CMSS1: variants seen among roughly 807,000 people sequenced by gnomAD.
CMSS1 encodes cms1 ribosomal small subunit homolog, also known as protein CMSS1.
In CMSS1, 33 loss-of-function variants were observed where a neutral mutation model predicts 43.5. That is an observed-to-expected ratio of 0.76 (90% CI 0.57 to 1.01). The LOEUF is 1.01. Ranked by LOEUF, CMSS1 falls within the 50% of genes least tolerant of loss-of-function variation. The pLI is 0.00. For missense variants in CMSS1, 313 were observed against 326.4 expected (o/e 0.96, Z 0.32); for synonymous variants, 115 against 117.2 (o/e 0.98, Z 0.12).
At position 100,150,602 on chromosome 3, in the gene CMSS1, G is replaced by A. The variant is rs185477494; in HGVS notation, c.153+3541G>A. ...TCTAGTTTGTTCAGTATTTTAAGCA[G>A]CAGATTTATAACTTTAAAGTTTTTA... On this transcript the variant is annotated intron_variant, in intron 2 of 9. Coordinates refer to ENST00000421999, the MANE Select transcript of CMSS1 (RefSeq NM_032359.4). 8.5e-5 allele frequency among the ~76,000 whole-genome samples: 13 copies of A among 152,288 alleles called. No individual in the cohort carries two copies. In the East Asian group the frequency reaches 2.5e-3, roughly 29 times the overall value.
chr3:99,882,138 C>T (rs950871877), intron 1 of CMSS1, among the ~76,000 whole-genome samples: 1 of 152,052 alleles, frequency 6.6e-6, no homozygotes, highest in African/African-American at 2.4e-5. Flanking sequence ...TGAAATGGTC[C>T]TAGAAAGCCT....
Position 100,066,555 on chromosome 3 carries a change from G to A in CMSS1, c.65-80418G>A, listed in dbSNP as rs1205861964. 1.8e-4 allele frequency among the ~76,000 whole-genome samples: 13 copies of A among 73,302 alleles called. 2 individuals are homozygous for A. Among genetic ancestry groups the A allele is most frequent in the East Asian group, 8.0e-4 (2 of 2,514 alleles). 48.1% of individuals were successfully genotyped at this position (73,302 alleles called of 152,430 possible). On this transcript the variant is annotated intron_variant, in intron 1 of 9. Transcript: ENST00000421999. ...TTTTTTTTTTTTTTTTTTTTGAGAC[G>A]GAGTCTCGCTCTGTCGCCCAGGCTG...
chr3:100,155,235 A>G (rs1018362342), intron 2 of CMSS1, among the ~76,000 whole-genome samples: 1 of 152,184 alleles, frequency 6.6e-6, no homozygotes, highest in Non-Finnish European at 1.5e-5. Context: ...TGGTCAAAAC[A>G]GTTGTCACTA....
intron 1 of CMSS1, among the ~76,000 whole-genome samples, chr3:100,088,454 ATTT>A (rs1397881466): frequency 1.3e-5 from 2 of 152,226 alleles, no homozygotes; most frequent in Non-Finnish European, 2.9e-5. Context: ...TAAATTATTC[ATTT>A]TCTGATTGAA....
At chr3:99,887,722 A>G (rs1382608279) in intron 1 of CMSS1, among the ~76,000 whole-genome samples, 2 of 152,206 alleles carry the variant, frequency 1.3e-5, no homozygotes, top group Non-Finnish European at 1.5e-5. Flanking sequence ...AGATATACAT[A>G]TAATATAGAT....
intron 2 of CMSS1, among the ~76,000 whole-genome samples, chr3:100,152,167 C>G (rs2066916383): frequency 6.6e-6 from 1 of 151,590 alleles, no homozygotes; most frequent in Non-Finnish European, 1.5e-5. Flanking sequence ...TGGCTCTGCC[C>G]TTGGGGCTTT....
At chr3:100,019,226 G>A (rs1192960706) in intron 1 of CMSS1, among the ~76,000 whole-genome samples, 1 of 152,168 alleles carries the variant, frequency 6.6e-6, no homozygotes, top group East Asian at 1.9e-4. Flanking sequence ...GCCTGGTATG[G>A]TGGCACATGT....
At chr3:100,089,149 A>C (rs914488062) in intron 1 of CMSS1, among the ~76,000 whole-genome samples, 6 of 152,196 alleles carry the variant, frequency 3.9e-5, no homozygotes, top group African/African-American at 1.4e-4. Context: ...GTTAACATGA[A>C]GTGTCTAGAC....
chr3:99,879,721 A>T (rs550321546), intron 1 of CMSS1, among the ~76,000 whole-genome samples: 2 of 152,340 alleles, frequency 1.3e-5, no homozygotes, highest in African/African-American at 4.8e-5. Context: ...TGGTAATGCT[A>T]ACTTTGTATA....
chr3:99,913,735 G>A lies in CMSS1; in HGVS notation c.64+95692G>A, dbSNP rs535181322. 6.2e-4 allele frequency among the ~76,000 whole-genome samples: 94 copies of A among 152,296 alleles called. 1 individual carries two copies. Among genetic ancestry groups the A allele is most frequent in the African/African-American group, 2.0e-3 (85 of 41,566 alleles). The stretch of plus-strand genomic sequence containing the variant: ...AGGAAGTGAGAGCAGGGCTATGTGC[G>A]TGACCCTGAAGCATATATGCAAGAT... On this transcript the variant is annotated intron_variant, in intron 1 of 9. Coordinates refer to ENST00000421999, the MANE Select transcript of CMSS1 (RefSeq NM_032359.4).
At chr3:100,098,528 C>A (rs1475260832) in intron 1 of CMSS1, among the ~76,000 whole-genome samples, 1 of 152,224 alleles carries the variant, frequency 6.6e-6, no homozygotes, top group Non-Finnish European at 1.5e-5. Flanking sequence ...CTATAATTGA[C>A]TGACTCTATA....
intron 1 of CMSS1, among the ~76,000 whole-genome samples, chr3:100,003,231 A>G (rs187615815): frequency 3.3e-5 from 5 of 152,320 alleles, no homozygotes; most frequent in Non-Finnish European, 7.3e-5. Context: ...ACCAATGACC[A>G]TGTGGAGAAA....
intron 1 of CMSS1, chr3:99,830,631 G>A: frequency 2.2e-6 from 1 of 456,054 alleles, no homozygotes; most frequent in South Asian, 1.6e-5. Context: ...AGAACAAAAG[G>A]TAATTAATGG....
At chr3:100,025,767 T>C (rs980101701) in intron 1 of CMSS1, among the ~76,000 whole-genome samples, 1 of 152,162 alleles carries the variant, frequency 6.6e-6, no homozygotes, top group African/African-American at 2.4e-5. Context: ...GAATAGGGGA[T>C]TCACATATAC....
intron 1 of CMSS1, among the ~76,000 whole-genome samples, chr3:99,916,190 CAG>C (rs1429168508): frequency 1.3e-5 from 2 of 152,148 alleles, no homozygotes; most frequent in Non-Finnish European, 2.9e-5. Context: ...CAGAATGGAA[CAG>C]AAAGCTGAAG....
At chr3:99,929,225 TCCCTAGTGGTGGCC>T (rs1312060647) in intron 1 of CMSS1, among the ~76,000 whole-genome samples, 7 of 152,210 alleles carry the variant, frequency 4.6e-5, no homozygotes, top group African/African-American at 1.7e-4. Context: ...TACTGCCTTC[TCCCTAGTGGTGGCC>T]CTGTTGGGAC....
intron 1 of CMSS1, chr3:99,848,999 C>G (rs773698157): frequency 6.2e-6 from 10 of 1,613,942 alleles, no homozygotes; most frequent in Admixed American, 1.7e-5. Flanking sequence ...TGGCTTAGGA[C>G]TAGATCTCCA....
intron 1 of CMSS1, among the ~76,000 whole-genome samples, chr3:100,000,971 A>T (rs1395951051): frequency 6.6e-6 from 1 of 152,240 alleles, no homozygotes; most frequent in African/African-American, 2.4e-5. Flanking sequence ...TATGTTTTCT[A>T]TAAGATAACC....
At chr3:100,144,460 G>A (rs936999821) in intron 1 of CMSS1, among the ~76,000 whole-genome samples, 3 of 152,178 alleles carry the variant, frequency 2.0e-5, no homozygotes, top group Non-Finnish European at 4.4e-5. Context: ...TGGTGGTGAA[G>A]TTGGGGATGG....
Sources: allele counts gnomAD v4.1 joint callset (sites outside exome capture counted in the v4.1 genomes callset), GRCh38; gene constraint gnomAD v4.1.1; transcripts MANE v1.5; gene names NCBI Gene and HGNC (gene_info 2026-07-23, HGNC 2026-07-21).